Variants in CLCN6 observed in about 807,000 individuals in gnomAD.
CLCN6 encodes H(+)/Cl(-) exchange transporter 6.
CLCN6 carries 70 observed loss-of-function variants against 109.8 expected under a neutral mutation model. The ratio of observed to expected loss-of-function variants is 0.64; its 90% CI spans 0.53 to 0.78. The LOEUF (loss-of-function observed/expected upper bound fraction) is 0.78. Ranked by LOEUF, CLCN6 falls within the 30% of genes least tolerant of loss-of-function variation. The pLI is 0.00. For missense variants in CLCN6, 984 were observed against 1,142.3 expected, an observed-to-expected ratio of 0.86 and a Z score of 2.00; for synonymous variants, 444 against 447.8, an observed-to-expected ratio of 0.99 and a Z score of 0.11.
At chr1:11,837,995 G>A (rs1292441987) in intron 20 of CLCN6, among the ~76,000 whole-genome samples, 2 of 152,172 alleles carry the variant, frequency 1.3e-5, no homozygotes, top group African/African-American at 4.8e-5. Context: ...TAGGGCTTAG[G>A]ACTTGGCCAT....
intron 22 of CLCN6, chr1:11,839,132 T>C (rs572311576): frequency 5.1e-6 from 3 of 583,282 alleles, no homozygotes; most frequent in South Asian, 4.4e-5. Context: ...TACACAAATA[T>C]GATTTCATTG....
At chr1:11,836,471 C>T (rs760369052) in intron 18 of CLCN6, among the ~76,000 whole-genome samples, 1 of 152,124 alleles carries the variant, frequency 6.6e-6, no homozygotes, top group Non-Finnish European at 1.5e-5. Flanking sequence ...AAATGGACTT[C>T]GACCTCCTTA....
intron 2 of CLCN6, among the ~76,000 whole-genome samples, chr1:11,814,781 C>G (rs1187181789): frequency 6.6e-6 from 1 of 151,826 alleles, no homozygotes; most frequent in Non-Finnish European, 1.5e-5. Context: ...GCCTGTAATC[C>G]CAGCACTTTG....
chr1:11,834,576 G>A lies in CLCN6; in HGVS notation c.1779G>A (p.Glu593=). ...RGVPLLEWET[E]VEMDKLRASD... ...TGCCGCTTCTGGAATGGGAGACAGA[G>A]GTGGAAATGGACAAGTAAGGCCATG... is the stretch of plus-strand genomic sequence containing the variant. The change falls in exon 17 of 23, where the codon GAG becomes GAA. Residue 593 remains glutamate, a synonymous_variant. Coordinates refer to ENST00000346436, the MANE Select transcript of CLCN6 (RefSeq NM_001286.5). This position sits in a 1 kb window ranked among gnomAD's most constrained non-coding sequence, Gnocchi z 4.5. The A allele has an allele frequency of 1.2e-6, 2 of 1,613,990 alleles. No homozygotes were observed. The highest frequency in any genetic ancestry group is 2.7e-5 in the African/African-American group (2 of 75,052).
intron 5 of CLCN6, chr1:11,820,596 C>G: frequency 2.3e-6 from 1 of 437,374 alleles, no homozygotes; most frequent in South Asian, 3.1e-5. Context: ...GAAACCCCGT[C>G]TCTACTAAAA....
chr1:11,825,471 G>A (rs141882704), intron 8 of CLCN6, among the ~76,000 whole-genome samples: 51 of 152,290 alleles, frequency 3.3e-4, no homozygotes, highest in Admixed American at 1.5e-3. Context: ...AACAGCTTCC[G>A]CGTCCCCTTC....
chr1:11,807,919 A>G (rs1644542388), intron 2 of CLCN6, among the ~76,000 whole-genome samples: 1 of 152,096 alleles, frequency 6.6e-6, no homozygotes, highest in Admixed American at 6.6e-5. Context: ...CCCCTTTATT[A>G]TACTTTTTGT....
chr1:11,826,582 G>T (rs553146299), intron 9 of CLCN6, among the ~76,000 whole-genome samples: 1 of 152,318 alleles, frequency 6.6e-6, no homozygotes, highest in East Asian at 1.9e-4. Context: ...AGACTTCTTA[G>T]CCCTGTATCA....
chr1:11,828,472 T>C lies in CLCN6; in HGVS notation c.969T>C (p.Asp323=). The change falls in exon 12 of 23, where the codon GAT becomes GAC. Residue 323 remains aspartate, a synonymous_variant. Coordinates refer to ENST00000346436, the MANE Select transcript of CLCN6 (RefSeq NM_001286.5). Reference sequence around the variant, plus strand: ...CCTTCTCTCAGTGCTCTGACTCTGATAAAAAATGTCATCTCTGGACAGCTA... The same window carrying C: ...CCTTCTCTCAGTGCTCTGACTCTGACAAAAAATGTCATCTCTGGACAGCTA... ...NFGEFKCSDS[D]KKCHLWTAMD... 6.2e-7 allele frequency: 1 copy of C among 1,614,166 alleles called. No homozygotes were observed. Among genetic ancestry groups the C allele is most frequent in the African/African-American group, 1.3e-5 (1 of 75,040 alleles).
In CLCN6 at chr1:11,834,373, T is replaced by C. The variant is rs1190367947; in HGVS notation, c.1664T>C (p.Leu555Pro). Residue 555 changes from leucine to proline, a missense_variant, in exon 16 of 23, where the codon CTC (leucine) becomes CCC (proline). Coordinates refer to ENST00000346436, the MANE Select transcript of CLCN6 (RefSeq NM_001286.5). This position sits in a 1 kb window ranked among gnomAD's most constrained non-coding sequence, Gnocchi z 4.5. ...IESTNEITYGLPIMVTLMVAK... is the reference protein window; with the variant it reads ...IESTNEITYGPPIMVTLMVAK... The stretch of plus-strand genomic sequence containing the variant: ...TCCACCAATGAGATCACCTACGGGC[T>C]CCCCATCATGGTCACACTGATGGTG... 2 of 1,613,658 alleles carry C rather than the reference T, an allele frequency of 1.2e-6. No homozygotes were observed. Among genetic ancestry groups the C allele is most frequent in the African/African-American group, 2.7e-5 (2 of 74,808 alleles).
chr1:11,815,617 ACTC>A (rs752059301), intron 2 of CLCN6, among the ~76,000 whole-genome samples: 5 of 151,380 alleles, frequency 3.3e-5, no homozygotes, highest in South Asian at 2.1e-4. Context: ...CTGGTCTTGA[ACTC>A]CTGACCTCAG....
chr1:11,817,377 C>A (rs1250311452), intron 4 of CLCN6, among the ~76,000 whole-genome samples: 1 of 152,190 alleles, frequency 6.6e-6, no homozygotes, highest in African/African-American at 2.4e-5. Context: ...GTTTATGGTG[C>A]TATCCTGGGC....
chr1:11,828,026 TG>T lies in CLCN6; in HGVS notation c.841-77del. ...TTCCGGAGGTCTCTGCGTAGAGCAG[TG>T]GGTACCAGGAGGAAGGGTTGGGAGA... On this transcript the variant is annotated intron_variant, in intron 10 of 22. Transcript: ENST00000346436. The T allele has an allele frequency of 1.4e-5, 14 of 1,032,930 alleles. No homozygotes were observed. In the South Asian group the frequency reaches 1.8e-4, roughly 13 times the overall value. 64.0% of individuals were successfully genotyped at this position (1,032,930 alleles called of 1,614,324 possible). A position where few individuals can be genotyped will look rare whatever the true frequency, so the allele number is the denominator to read the frequency against.
In CLCN6 at chr1:11,811,198, G is replaced by A. The variant is rs150732829; in HGVS notation, c.147+4008G>A. 1.8e-4 allele frequency among the ~76,000 whole-genome samples: 27 copies of A among 151,948 alleles called. No homozygotes were observed. The East Asian group carries it at 4.8e-3, about 27-fold the overall frequency. On this transcript the variant is annotated intron_variant, in intron 2 of 22. Transcript: ENST00000346436. ...TGCACTCCAGCCTGGGTGACAGAGC[G>A]AGACCCTGACAAAAAAAAAAGGGAT...
At chr1:11,809,466 T>C (rs760921323) in intron 2 of CLCN6, among the ~76,000 whole-genome samples, 1 of 152,142 alleles carries the variant, frequency 6.6e-6, no homozygotes, top group Non-Finnish European at 1.5e-5. Context: ...TTCTTGTCAT[T>C]GTTTGAGACA....
At chr1:11,827,430 C>CTTT (rs59015951) in intron 10 of CLCN6, among the ~76,000 whole-genome samples, 93 of 105,020 alleles carry the variant, frequency 8.9e-4, no homozygotes, top group African/African-American at 2.0e-3. Flanking sequence ...ACCGCTGTTA[C>CTTT]TTTTTTTTTT....
intron 13 of CLCN6, chr1:11,830,161 G>C (rs1190049472): frequency 6.6e-6 from 1 of 152,188 alleles, no homozygotes; most frequent in Non-Finnish European, 1.5e-5. Context: ...GTAGTCCGTG[G>C]AGCCTACTCC....
rs1193047528 is a variant in CLCN6 at position 11,807,200 on chromosome 1, T to G, written c.147+10T>G. On this transcript the variant is annotated intron_variant, in intron 2 of 22. Coordinates refer to ENST00000346436, the MANE Select transcript of CLCN6 (RefSeq NM_001286.5). ...AAGGAAAGACTATGAGGTGAGCTCCTTTGATACTGCTTGGGCAACTAAAGT... is the reference window on the plus strand; with the variant it reads ...AAGGAAAGACTATGAGGTGAGCTCCGTTGATACTGCTTGGGCAACTAAAGT... The G allele has an allele frequency of 6.2e-7, 1 of 1,613,408 alleles. No homozygotes were observed. Among genetic ancestry groups the G allele is most frequent in the South Asian group, 1.1e-5 (1 of 91,054 alleles).
intron 3 of CLCN6, 172 bp downstream of exon 3, chr1:11,816,083 G>A: frequency 3.5e-6 from 2 of 579,236 alleles, no homozygotes; most frequent in Admixed American, 3.4e-5. Context: ...CGCAGGTACT[G>A]CAGGTTTTAC....
Sources: allele counts gnomAD v4.1 joint callset (sites outside exome capture counted in the v4.1 genomes callset), GRCh38; gene constraint gnomAD v4.1.1; non-coding constraint Gnocchi (gnomAD v3.1); transcripts MANE v1.5; gene names NCBI Gene and HGNC (gene_info 2026-07-23, HGNC 2026-07-21).